XPA: variants seen among roughly 807,000 people sequenced by gnomAD.
XPA encodes XPA, DNA damage recognition and repair factor.
A neutral mutation model predicts 35.7 loss-of-function variants in XPA; 27 were observed. The observed-to-expected ratio is 0.76, with a 90% confidence interval of 0.56 to 1.04. XPA has a LOEUF of 1.04. Ranked by LOEUF, XPA falls within the 50% of genes least tolerant of loss-of-function variation. The probability of loss-of-function intolerance (pLI) is 0.00; values close to 1 mark genes in which losing one functional copy is unlikely to be tolerated. For synonymous variants in XPA, 133 were observed against 118.4 expected (o/e 1.12, Z -0.80); for missense variants, 354 against 342.7 (o/e 1.03, Z -0.26).
chr9:97,696,589 G>A (rs899294130), intron 1 of XPA, among the ~76,000 whole-genome samples: 1 of 152,112 alleles, frequency 6.6e-6, no homozygotes, highest in Admixed American at 6.6e-5. Flanking sequence ...ACATAAGTAA[G>A]CGTTCTTCCA....
chr9:97,662,053 A>C, the XPA span: 1 of 1,611,092 alleles, frequency 6.2e-7, no homozygotes, highest in Non-Finnish European at 8.5e-7. Context: ...TGAAGGATTC[A>C]GTTTTAACCC....
downstream of XPA, chr9:97,669,970 T>C (rs1049307224): frequency 4.3e-5 from 20 of 464,802 alleles, no homozygotes; most frequent in Middle Eastern, 6.1e-4. Context: ...TTGCCCAGGC[T>C]GGAGTTCAGT....
At chr9:97,668,251 TG>T in the XPA span, among the ~76,000 whole-genome samples, 10 of 152,182 alleles carry the variant, frequency 6.6e-5, no homozygotes, top group Admixed American at 2.0e-4. Context: ...CTCTGTAAAA[TG>T]GAAATAAACC....
chr9:97,656,439 C>T, the XPA span, among the ~76,000 whole-genome samples: 1 of 152,104 alleles, frequency 6.6e-6, no homozygotes, highest in African/African-American at 2.4e-5. Context: ...ATTTGCGAGG[C>T]GTGTTGGCGA....
the XPA span, chr9:97,666,661 A>AG: frequency 1.7e-5 from 12 of 695,522 alleles, no homozygotes; most frequent in Non-Finnish European, 2.6e-5. Flanking sequence ...CAAGGACAGA[A>AG]GGCTGTATCA....
Position 97,674,949 on chromosome 9 carries a change from CT to C in XPA, c.*489del. 1.9e-6 allele frequency: 1 copy of C among 518,330 alleles called. No individual in the cohort carries two copies. The highest frequency in any genetic ancestry group is 3.8e-6 in the Non-Finnish European group (1 of 266,224). 32.1% of individuals were successfully genotyped at this position (518,330 alleles called of 1,614,324 possible). A position where few individuals can be genotyped will look rare whatever the true frequency, so the allele number is the denominator to read the frequency against. On this transcript the variant is annotated 3_prime_UTR_variant, in exon 6 of 6. Transcript: ENST00000375128. Reference sequence around the variant, plus strand: ...TCAATGTTTATTTCTGCTATTAGGGCTTTTTCCAGCAGTAGTTCCCCACTGT... The same window carrying C: ...TCAATGTTTATTTCTGCTATTAGGGCTTTTCCAGCAGTAGTTCCCCACTGT...
intron 2 of XPA, among the ~76,000 whole-genome samples, chr9:97,691,890 T>TAA (rs961321072): frequency 6.0e-4 from 37 of 61,340 alleles, no homozygotes; most frequent in Non-Finnish European, 1.0e-3. Flanking sequence ...TAAATAAATA[T>TAA]ATATATATAT....
At chr9:97,666,488 A>T in the XPA span, among the ~76,000 whole-genome samples, 1 of 152,204 alleles carries the variant, frequency 6.6e-6, no homozygotes, top group Middle Eastern at 3.2e-3. Flanking sequence ...CAATTCAGTA[A>T]GTATGTACCT....
At chr9:97,690,043 C>T (rs959990450) in intron 2 of XPA, among the ~76,000 whole-genome samples, 1 of 152,192 alleles carries the variant, frequency 6.6e-6, no homozygotes, top group African/African-American at 2.4e-5. Context: ...TCTGGAGGCT[C>T]TAGGCAAGAA....
At chr9:97,685,422 C>G (rs1294349042) in intron 4 of XPA, among the ~76,000 whole-genome samples, 3 of 152,126 alleles carry the variant, frequency 2.0e-5, no homozygotes, top group Admixed American at 2.0e-4. Flanking sequence ...CCAAAAATCT[C>G]CAACCGCAGG....
At chr9:97,669,306 G>A in the XPA span, among the ~76,000 whole-genome samples, 1 of 152,042 alleles carries the variant, frequency 6.6e-6, no homozygotes, top group African/African-American at 2.4e-5. Flanking sequence ...ATAGATTCCT[G>A]TTAAAATTTC....
chr9:97,688,811 C>T (rs997832121), intron 3 of XPA, among the ~76,000 whole-genome samples: 1 of 150,696 alleles, frequency 6.6e-6, no homozygotes, highest in Middle Eastern at 3.2e-3. Context: ...AGCAGGGACT[C>T]TGAAAGGGCA....
At position 97,697,169 on chromosome 9, in the gene XPA, G is replaced by C. The variant is rs905874399; in HGVS notation, c.124C>G (p.Arg42Gly). ...GCCGAGTAGGGCCGGGCAGCCAGCC[G>C]GGCCTGGCGCAGCATCAGTGCCCGC... ...RQRALMLRQA[R>G]LAARPYSATA... Residue 42 changes from arginine (R) to glycine (G), a missense_variant, in exon 1 of 6, where the codon CGG becomes GGG. Physicochemically the swap from Arg to Gly is moderately radical, Grantham distance 125 (BLOSUM62 -2). Transcript: ENST00000375128. The C allele has an allele frequency of 6.3e-7, 1 of 1,583,176 alleles. No homozygotes were observed. Among genetic ancestry groups the C allele is most frequent in the Non-Finnish European group, 8.6e-7 (1 of 1,168,622 alleles).
At chr9:97,696,367 A>C (rs1368938537) in intron 1 of XPA, among the ~76,000 whole-genome samples, 1 of 152,228 alleles carries the variant, frequency 6.6e-6, no homozygotes, top group Admixed American at 6.5e-5. Flanking sequence ...AAATTCTATA[A>C]GAGAATAATC....
chr9:97,697,336 G>A lies in XPA; in HGVS notation c.-44C>T, dbSNP rs1395080872. ...ACCTAGCTCCCAGCTCCACGCACGCGCACTGCACGCCGAGGCGAGCCAGCC... is the reference window on the plus strand; with the variant it reads ...ACCTAGCTCCCAGCTCCACGCACGCACACTGCACGCCGAGGCGAGCCAGCC... On this transcript the variant is annotated 5_prime_UTR_variant, in exon 1 of 6. Coordinates refer to ENST00000375128, the MANE Select transcript of XPA (RefSeq NM_000380.4). The A allele has an allele frequency of 6.3e-7, 1 of 1,594,802 alleles. No individual in the cohort carries two copies. The highest frequency in any genetic ancestry group is 1.1e-5 in the South Asian group (1 of 90,848).
the XPA span, chr9:97,662,022 T>C: frequency 1.3e-6 from 2 of 1,576,042 alleles, no homozygotes; most frequent in South Asian, 2.2e-5. Flanking sequence ...TTTTCTGTTT[T>C]ACTATAAAAT....
At chr9:97,689,496 A>G (rs1158676139) in intron 3 of XPA, 38 bp downstream of exon 3, 5 of 1,303,798 alleles carry the variant, frequency 3.8e-6, no homozygotes, top group African/African-American at 1.5e-5. Flanking sequence ...ACCTACACAT[A>G]AACATTAGCA....
downstream of XPA, chr9:97,673,897 C>T (rs1828272653): frequency 6.6e-6 from 1 of 152,198 alleles, no homozygotes; most frequent in Non-Finnish European, 1.5e-5. Flanking sequence ...TGAATAGAAG[C>T]ATCCCTTAAC....
intron 3 of XPA, among the ~76,000 whole-genome samples, chr9:97,688,575 T>C (rs1828788876): frequency 6.6e-6 from 1 of 152,230 alleles, no homozygotes; most frequent in African/African-American, 2.4e-5. Flanking sequence ...TTCTATGTAG[T>C]GTTTCAGTTC....
Sources: allele counts gnomAD v4.1 joint callset (sites outside exome capture counted in the v4.1 genomes callset), GRCh38; gene constraint gnomAD v4.1.1; transcripts MANE v1.5; gene names NCBI Gene and HGNC (gene_info 2026-07-23, HGNC 2026-07-21).